The following SLC10A1 variants were observed in gnomAD, a reference collection of about 807,000 sequenced individuals.
SLC10A1 encodes the protein solute carrier family 10 member 1, also known as hepatic sodium/bile acid cotransporter.
In SLC10A1, 36 loss-of-function variants were observed where a neutral mutation model predicts 20.5. The observed-to-expected ratio is 1.75, with a 90% CI of 1.34 to 2.32. The LOEUF (loss-of-function observed/expected upper bound fraction) is 2.32, where lower values mean the gene tolerates loss of function less well. SLC10A1 is among the 30% of genes most tolerant of loss of function. The pLI is 0.00. For missense variants in SLC10A1, 545 were observed against 439.1 expected (o/e 1.24, Z -2.16); for synonymous variants, 188 against 163.6 (o/e 1.15, Z -1.14).
At chr14:69,783,806 CAACAG>C (rs1342405907) in intron 2 of SLC10A1, among the ~76,000 whole-genome samples, 5 of 151,998 alleles carry the variant, frequency 3.3e-5, no homozygotes, top group African/African-American at 7.3e-5. Flanking sequence ...TGGATTCCAG[CAACAG>C]AAGGTGGAAT....
intron 2 of SLC10A1, among the ~76,000 whole-genome samples, chr14:69,781,859 C>A (rs1441586248): frequency 6.6e-6 from 1 of 152,192 alleles, no homozygotes; most frequent in Non-Finnish European, 1.5e-5. Context: ...TGACCTTCCA[C>A]CAGCGAATGC....
intron 1 of SLC10A1, among the ~76,000 whole-genome samples, chr14:69,790,783 T>A (rs1441912662): frequency 1.3e-5 from 2 of 152,016 alleles, no homozygotes; most frequent in Non-Finnish European, 2.9e-5. Flanking sequence ...TAGGCCCTAG[T>A]AAGCACAGCA....
rs117750794 is a variant in SLC10A1 at position 69,780,364 on chromosome 14, A to G, written c.568-1004T>C. Among the ~76,000 whole-genome samples, 200 of 144,232 alleles carry G rather than the reference A, an allele frequency of 1.4e-3. 2 individuals are homozygous for G. In the East Asian group the frequency reaches 0.036, roughly 26 times the overall value. 94.6% of individuals were successfully genotyped at this position (144,232 alleles called of 152,430 possible). Reference sequence around the variant, plus strand: ...GTGTAAATTTAAGACTGTCCCTTTTATCTCCTGAGTAAAGAAATACTTAAC... The same window carrying G: ...GTGTAAATTTAAGACTGTCCCTTTTGTCTCCTGAGTAAAGAAATACTTAAC... On this transcript the variant is annotated intron_variant, in intron 2 of 4. Transcript: ENST00000216540.
At position 69,779,972 on chromosome 14, in the gene SLC10A1, C is replaced by T. The variant is rs188870647; in HGVS notation, c.568-612G>A. Among the ~76,000 whole-genome samples the T allele has an allele frequency of 1.8e-3, 271 of 152,226 alleles. 3 individuals carry two copies. The highest frequency in any genetic ancestry group is 5.9e-3 in the African/African-American group (245 of 41,530). ...CTTGATTACAGATAGGGATTTTATCCATTTTAGGATCAATTCTGGAAATTG... is the reference window on the plus strand; with the variant it reads ...CTTGATTACAGATAGGGATTTTATCTATTTTAGGATCAATTCTGGAAATTG... On this transcript the variant is annotated intron_variant, in intron 2 of 4. Coordinates refer to ENST00000216540, the MANE Select transcript of SLC10A1 (RefSeq NM_003049.4).
chr14:69,789,189 C>G (rs1340367821), intron 1 of SLC10A1, among the ~76,000 whole-genome samples: 1 of 152,128 alleles, frequency 6.6e-6, no homozygotes, highest in African/African-American at 2.4e-5. Context: ...CCATATAACC[C>G]AGCAATTCTA....
At chr14:69,786,825 A>G (rs1037273495) in intron 1 of SLC10A1, among the ~76,000 whole-genome samples, 2 of 152,254 alleles carry the variant, frequency 1.3e-5, no homozygotes, top group Admixed American at 6.5e-5. Context: ...ACAATTAGCT[A>G]TATCAGCACA....
At chr14:69,795,757 G>A (rs1407484189) in intron 1 of SLC10A1, among the ~76,000 whole-genome samples, 3 of 152,046 alleles carry the variant, frequency 2.0e-5, no homozygotes, top group African/African-American at 4.8e-5. Flanking sequence ...GTGTCATTTT[G>A]CATCACTAGG....
chr14:69,792,456 G>A (rs1395338814), intron 1 of SLC10A1, among the ~76,000 whole-genome samples: 2 of 152,198 alleles, frequency 1.3e-5, no homozygotes, highest in Non-Finnish European at 2.9e-5. Flanking sequence ...GTGGAAATGT[G>A]GTAGGCCTCC....
At chr14:69,778,621 A>T in intron 3 of SLC10A1, 92 bp from the exon 4 acceptor site, 1 of 1,119,018 alleles carries the variant, frequency 8.9e-7, no homozygotes, top group Non-Finnish European at 1.3e-6. Flanking sequence ...TTCGCAGCAG[A>T]TGGAATCTAG....
chr14:69,789,912 G>A (rs1883800789), intron 1 of SLC10A1, among the ~76,000 whole-genome samples: 2 of 127,358 alleles, frequency 1.6e-5, no homozygotes, highest in Admixed American at 1.6e-4. Flanking sequence ...ACCAAAAATA[G>A]GGTTTTTTTT....
chr14:69,780,143 A>G (rs1304162492), intron 2 of SLC10A1, among the ~76,000 whole-genome samples: 1 of 152,256 alleles, frequency 6.6e-6, no homozygotes, highest in South Asian at 2.1e-4. Flanking sequence ...GGAAGTTCCC[A>G]AAAGAACTTT....
At position 69,797,229 on chromosome 14, in the gene SLC10A1, G is replaced by A. The variant is rs200684137; in HGVS notation, c.-74C>T. On this transcript the variant is annotated 5_prime_UTR_variant, in exon 1 of 5. Coordinates refer to ENST00000216540, the MANE Select transcript of SLC10A1 (RefSeq NM_003049.4). ...GTTTCTTGTGCAGTTCTTGCTGGAT[G>A]CCTTCTTTAATCACCTCTCAGGACA... The A allele has an allele frequency of 5.2e-5, 68 of 1,295,448 alleles. No homozygotes were observed. Among genetic ancestry groups the A allele is most frequent in the Non-Finnish European group, 7.0e-5 (65 of 929,806 alleles). 80.2% of individuals were successfully genotyped at this position (1,295,448 alleles called of 1,614,324 possible). A position where few individuals can be genotyped will look rare whatever the true frequency, so the allele number is the denominator to read the frequency against.
At chr14:69,791,495 T>C (rs1373031629) in intron 1 of SLC10A1, among the ~76,000 whole-genome samples, 1 of 152,088 alleles carries the variant, frequency 6.6e-6, no homozygotes, top group Non-Finnish European at 1.5e-5. Context: ...AGAGACGGGG[T>C]TTCACCGTGT....
chr14:69,780,505 T>C (rs529530953), intron 2 of SLC10A1, among the ~76,000 whole-genome samples: 179 of 152,344 alleles, frequency 1.2e-3, no homozygotes, highest in African/African-American at 4.1e-3. Context: ...AAGTAAAATA[T>C]GTATAGCAAA....
chr14:69,795,128 G>A (rs535295070), intron 1 of SLC10A1, among the ~76,000 whole-genome samples: 1 of 152,206 alleles, frequency 6.6e-6, no homozygotes, highest in South Asian at 2.1e-4. Flanking sequence ...GCTGCCATGA[G>A]CCTTGTCCAG....
intron 1 of SLC10A1, among the ~76,000 whole-genome samples, chr14:69,791,056 A>G (rs1196700711): frequency 6.6e-6 from 1 of 152,122 alleles, no homozygotes; most frequent in East Asian, 1.9e-4. Context: ...CATCTAAAGG[A>G]CATGTAAGAT....
At chr14:69,778,711 T>G (rs1883512765) in intron 3 of SLC10A1, among the ~76,000 whole-genome samples, 182 bp from the exon 4 acceptor site, 1 of 152,306 alleles carries the variant, frequency 6.6e-6, no homozygotes, top group African/African-American at 2.4e-5. Flanking sequence ...GTTCAATACC[T>G]TCATTCAATT....
Position 69,776,142 on chromosome 14 carries a change from G to A in SLC10A1, c.*140C>T, listed in dbSNP as rs2139707632. On this transcript the variant is annotated 3_prime_UTR_variant, in exon 5 of 5. Coordinates refer to ENST00000216540, the MANE Select transcript of SLC10A1 (RefSeq NM_003049.4). ...ACACCCTGTCTGTGTTCCCGGCCAAGACTTGATGATTCTGATAGATGTACT... is the reference window on the plus strand; with the variant it reads ...ACACCCTGTCTGTGTTCCCGGCCAAAACTTGATGATTCTGATAGATGTACT... The A allele has an allele frequency of 1.5e-6, 1 of 665,806 alleles. No homozygotes were observed. The highest frequency in any genetic ancestry group is 2.6e-6 in the Non-Finnish European group (1 of 378,972). 41.2% of individuals were successfully genotyped at this position (665,806 alleles called of 1,614,324 possible).
At chr14:69,787,716 C>G (rs1035666533) in intron 1 of SLC10A1, among the ~76,000 whole-genome samples, 2 of 152,172 alleles carry the variant, frequency 1.3e-5, no homozygotes, top group Admixed American at 1.3e-4. Flanking sequence ...TAAATACACA[C>G]TTGAGCTTGT....
Sources: allele counts gnomAD v4.1 joint callset (sites outside exome capture counted in the v4.1 genomes callset), GRCh38; gene constraint gnomAD v4.1.1; transcripts MANE v1.5; gene names NCBI Gene and HGNC (gene_info 2026-07-23, HGNC 2026-07-21).